Variants in RCL1 observed in about 807,000 individuals in gnomAD.
The protein encoded by RCL1 is RNA terminal phosphate cyclase like 1.
Under a neutral mutation model 42.4 loss-of-function variants are expected in RCL1, and 24 were observed. That is an observed-to-expected ratio of 0.57 (90% CI 0.41 to 0.80). The LOEUF (loss-of-function observed/expected upper bound fraction) is 0.80, where lower values mean the gene tolerates loss of function less well. Ranked by LOEUF, RCL1 falls within the 30% of genes least tolerant of loss-of-function variation. RCL1 has a pLI of 0.00. For synonymous variants in RCL1, 228 were observed against 177.3 expected (o/e 1.29, Z -2.27); for missense variants, 578 against 467.9 (o/e 1.24, Z -2.17).
rs796888999 is a variant in RCL1, at chr9:4,814,431, C to A, written c.137-9117C>A. On this transcript the variant is annotated intron_variant, in intron 1 of 8. Transcript: ENST00000381750. ...CCCTACAGGTGTTTGCCACCATGCC[C>A]GGCTTTTGTATTTTTTGTAGAGATG... Among the ~76,000 whole-genome samples the A allele has an allele frequency of 2.2e-4, 33 of 152,088 alleles. 1 individual carries two copies. Among genetic ancestry groups the A allele is most frequent in the African/African-American group, 7.2e-4 (30 of 41,514 alleles).
chr9:4,810,530 G>A (rs1218969476), intron 1 of RCL1, among the ~76,000 whole-genome samples: 1 of 151,602 alleles, frequency 6.6e-6, no homozygotes, highest in Non-Finnish European at 1.5e-5. Context: ...TCTTTACTAC[G>A]TCATGTTATT....
chr9:4,819,282 G>T (rs146858272), intron 1 of RCL1, among the ~76,000 whole-genome samples: 2 of 152,190 alleles, frequency 1.3e-5, no homozygotes, highest in African/African-American at 2.4e-5. Flanking sequence ...TCACAATAGG[G>T]TTCATGGTCC....
At chr9:4,822,565 C>A (rs1373567126) in intron 1 of RCL1, among the ~76,000 whole-genome samples, 2 of 152,182 alleles carry the variant, frequency 1.3e-5, no homozygotes, top group East Asian at 3.8e-4. Flanking sequence ...CGACTGTAAT[C>A]CCAGCACTTT....
rs1563851964 is a variant in RCL1, at chr9:4,842,069, A to G, written c.710+712A>G. On this transcript the variant is annotated intron_variant, in intron 6 of 8. Coordinates refer to ENST00000381750, the MANE Select transcript of RCL1 (RefSeq NM_005772.5). The stretch of plus-strand genomic sequence containing the variant: ...ACACGGAGATATACTCCTGCTGCCT[A>G]TAGTTAACGATAAATATTTTGCCAA... Among the ~76,000 whole-genome samples the G allele has an allele frequency of 2.6e-5, 4 of 152,366 alleles. No homozygotes were observed. The East Asian group carries it at 7.7e-4, about 29-fold the overall frequency.
chr9:4,832,375 A>T (rs946062595), intron 3 of RCL1, among the ~76,000 whole-genome samples: 2 of 152,216 alleles, frequency 1.3e-5, no homozygotes, highest in Admixed American at 1.3e-4. Context: ...CATCATTGGC[A>T]TTCTTAGGTG....
In RCL1 at chr9:4,860,322, C is replaced by T. The variant is rs1044835535; in HGVS notation, c.*47C>T. ...CCAATGCCTACAGACAAAGCAGAAG[C>T]TGCCACGGACACCAATGGGACCAAG... On this transcript the variant is annotated 3_prime_UTR_variant, in exon 9 of 9. Transcript: ENST00000381750. The T allele has an allele frequency of 6.3e-7, 1 of 1,588,590 alleles. No homozygotes were observed. The highest frequency in any genetic ancestry group is 8.6e-7 in the Non-Finnish European group (1 of 1,169,390).
At chr9:4,798,150 C>G (rs146617472) in intron 1 of RCL1, among the ~76,000 whole-genome samples, 282 of 152,314 alleles carry the variant, frequency 1.9e-3, no homozygotes, top group African/African-American at 6.5e-3. Context: ...GACCTGTTCT[C>G]TCTCATTTCA....
At position 4,793,206 on chromosome 9, in the gene RCL1, G is replaced by T. The variant is rs1563822504; in HGVS notation, c.115G>T (p.Asp39Tyr). 1 of 1,605,460 alleles carries T rather than the reference G, an allele frequency of 6.2e-7. No homozygotes were observed. Among genetic ancestry groups the T allele is most frequent in the African/African-American group, 1.3e-5 (1 of 74,446 alleles). Residue 39 changes from aspartate (D) to tyrosine (Y), a missense_variant, in exon 1 of 9, where the codon GAC (aspartate) becomes TAC (tyrosine). Asp to Tyr is a radical substitution (Grantham distance 160). Transcript: ENST00000381750. ...CAAAATCCGAAAGATTCGGGCCAGA[G>T]ACGACAACCCGGGCCTCCGAGGTAA... Reference protein sequence around the residue: ...PVKIRKIRARDDNPGLRDFEA... With the variant: ...PVKIRKIRARYDNPGLRDFEA...
intron 4 of RCL1, 74 bp from the exon 5 acceptor site, chr9:4,834,067 C>T: frequency 6.5e-7 from 1 of 1,530,130 alleles, no homozygotes; most frequent in African/African-American, 1.4e-5. Context: ...TGGTGTAAAC[C>T]TTCCTGGGCA....
At chr9:4,820,477 T>C (rs1315343712) in intron 1 of RCL1, among the ~76,000 whole-genome samples, 2 of 152,238 alleles carry the variant, frequency 1.3e-5, no homozygotes, top group African/African-American at 4.8e-5. Flanking sequence ...TTTATGCCCA[T>C]TCTCTTTCTA....
At chr9:4,824,103 T>C (rs1816681888) in intron 2 of RCL1, among the ~76,000 whole-genome samples, 1 of 152,236 alleles carries the variant, frequency 6.6e-6, no homozygotes, top group African/African-American at 2.4e-5. Flanking sequence ...TACATGAAAC[T>C]TTCCAAAGTC....
At position 4,834,840 on chromosome 9, in the gene RCL1, T is replaced by C. The variant is rs149067502; in HGVS notation, c.584+575T>C. Among the ~76,000 whole-genome samples the C allele has an allele frequency of 2.6e-5, 4 of 152,348 alleles. No homozygotes were observed. In the East Asian group the frequency reaches 7.7e-4, roughly 29 times the overall value. On this transcript the variant is annotated intron_variant, in intron 5 of 8. Coordinates refer to ENST00000381750, the MANE Select transcript of RCL1 (RefSeq NM_005772.5). ...TGACCCTTGAGTTCACTTACATCCT[T>C]TTTTGCAGATGGGGAAACTGAAGCT...
chr9:4,820,392 G>C (rs1294524361), intron 1 of RCL1, among the ~76,000 whole-genome samples: 1 of 152,180 alleles, frequency 6.6e-6, no homozygotes, highest in African/African-American at 2.4e-5. Context: ...AACTAGCTCT[G>C]AGTCTGCTTC....
At chr9:4,849,949 A>G (rs1034295100) in intron 8 of RCL1, among the ~76,000 whole-genome samples, 1 of 152,142 alleles carries the variant, frequency 6.6e-6, no homozygotes, top group Non-Finnish European at 1.5e-5. Context: ...ATAGGATATG[A>G]GCTCACTGGG....
chr9:4,800,535 G>A (rs977352038), intron 1 of RCL1, among the ~76,000 whole-genome samples: 3 of 151,752 alleles, frequency 2.0e-5, no homozygotes, highest in Non-Finnish European at 2.9e-5. Context: ...ATTTTTTTAT[G>A]TGAACATAGT....
chr9:4,849,526 T>A lies in RCL1; in HGVS notation c.947T>A (p.Leu316Gln). The change falls in exon 8 of 9, where the codon CTG becomes CAG. Residue 316 changes from leucine (L) to glutamine (Q), a missense_variant. Leu to Gln is a moderately radical substitution (Grantham distance 113). Coordinates refer to ENST00000381750, the MANE Select transcript of RCL1 (RefSeq NM_005772.5). ...GGACAGCAGGATGTTTCCAAAGTCCTGCTAGGCCCTCTCTCTCCCTACACG... is the reference window on the plus strand; with the variant it reads ...GGACAGCAGGATGTTTCCAAAGTCCAGCTAGGCCCTCTCTCTCCCTACACG... ...TLGQQDVSKVLLGPLSPYTIE... is the reference protein window; with the variant it reads ...TLGQQDVSKVQLGPLSPYTIE... 6.2e-7 allele frequency: 1 copy of A among 1,613,670 alleles called. No individual in the cohort carries two copies.
In RCL1 at chr9:4,829,285, G is replaced by C. The variant is rs373009128; in HGVS notation, c.384+2252G>C. Among the ~76,000 whole-genome samples, 3 of 152,262 alleles carry C rather than the reference G, an allele frequency of 2.0e-5. No individual in the cohort carries two copies. In the East Asian group the frequency reaches 5.8e-4, roughly 29 times the overall value. On this transcript the variant is annotated intron_variant, in intron 3 of 8. Transcript: ENST00000381750. ...GAATGGAGAGGTGATAGACTAGCTTGGGCATTATGGAGATGGAAGGAGAAC... is the reference window on the plus strand; with the variant it reads ...GAATGGAGAGGTGATAGACTAGCTTCGGCATTATGGAGATGGAAGGAGAAC...
chr9:4,839,991 A>T, intron 5 of RCL1: 3 of 714,140 alleles, frequency 4.2e-6, no homozygotes, highest in Non-Finnish European at 5.1e-6. Context: ...GGGTGGAAGG[A>T]GTTGATGGTG....
rs754695558 is a variant in RCL1, at chr9:4,827,024, T to A, written c.375T>A (p.Val125=). The change falls in exon 3 of 9, where the codon GTT becomes GTA. Residue 125 remains valine, a synonymous_variant. Coordinates refer to ENST00000381750, the MANE Select transcript of RCL1 (RefSeq NM_005772.5). ...IVLRGVTNDQ[V]DPSVDVLKAT... ...TACGAGGAGTGACCAATGATCAGGT[T>A]GACCCTTCAGTGAGTATTGAGAACA... 1 of 1,614,230 alleles carries A rather than the reference T, an allele frequency of 6.2e-7. No homozygotes were observed. Among genetic ancestry groups the A allele is most frequent in the Non-Finnish European group, 8.5e-7 (1 of 1,180,034 alleles).
Sources: gnomAD v4.1 joint callset for allele counts (sites outside exome capture counted in the v4.1 genomes callset) on GRCh38, gnomAD v4.1.1 for gene constraint, MANE v1.5 for transcripts, NCBI Gene and HGNC (gene_info 2026-07-23, HGNC 2026-07-21) for gene names.